Variants in ARHGAP15 observed in about 807,000 individuals in gnomAD.
The protein encoded by ARHGAP15 is Rho GTPase activating protein 15.
A neutral mutation model predicts 63.7 loss-of-function variants in ARHGAP15; 51 were observed. That is an observed-to-expected ratio of 0.80 (90% CI 0.64 to 1.01). The LOEUF is 1.01. ARHGAP15 is among the 50% of genes least tolerant of loss of function. The pLI is 0.00. For synonymous variants in ARHGAP15, 191 were observed against 193.8 expected, an observed-to-expected ratio of 0.99 and a Z score of 0.12; for missense variants, 560 against 564.6, an observed-to-expected ratio of 0.99 and a Z score of 0.08.
rs59677710 is a variant in ARHGAP15, at chr2:143,421,766, GTATATATATATATATA to G, written c.475-13815_475-13800del. On this transcript the variant is annotated intron_variant, in intron 6 of 13. Coordinates refer to ENST00000295095, the MANE Select transcript of ARHGAP15 (RefSeq NM_018460.4). The stretch of plus-strand genomic sequence containing the variant: ...ATATAAATGAACATATGCACATGGT[GTATATATATATATATA>G]TATATATATATATATATATGTGTGT... Among the ~76,000 whole-genome samples, 381 of 109,038 alleles carry G rather than the reference GTATATATATATATATA, an allele frequency of 3.5e-3. 5 individuals carry two copies. The highest frequency in any genetic ancestry group is 0.032 in the Middle Eastern group (7 of 222). 71.5% of individuals were successfully genotyped at this position (109,038 alleles called of 152,430 possible). A position where few individuals can be genotyped will look rare whatever the true frequency, so the allele number is the denominator to read the frequency against.
intron 10 of ARHGAP15, among the ~76,000 whole-genome samples, chr2:143,526,526 A>G (rs1375095472): frequency 2.0e-5 from 3 of 152,140 alleles, no homozygotes; most frequent in Non-Finnish European, 2.9e-5. Flanking sequence ...GCAACACCTC[A>G]ACTTACCAAG....
chr2:143,502,562 G>C (rs1163122346), intron 9 of ARHGAP15, among the ~76,000 whole-genome samples: 1 of 150,888 alleles, frequency 6.6e-6, no homozygotes, highest in African/African-American at 2.4e-5. Flanking sequence ...TTCTGTGTGT[G>C]GATCGTTTTG....
At chr2:143,273,102 AAATT>A (rs992421495) in intron 6 of ARHGAP15, among the ~76,000 whole-genome samples, 13 of 152,272 alleles carry the variant, frequency 8.5e-5, no homozygotes, top group African/African-American at 1.2e-4. Flanking sequence ...TAGTTTAAAT[AAATT>A]ATTTATACTT....
At chr2:143,591,706 G>T (rs1330103753) in intron 11 of ARHGAP15, among the ~76,000 whole-genome samples, 1 of 148,178 alleles carries the variant, frequency 6.7e-6, no homozygotes, top group Non-Finnish European at 1.5e-5. Flanking sequence ...CGCAACCTCC[G>T]CCTCTCAGGT....
intron 10 of ARHGAP15, among the ~76,000 whole-genome samples, chr2:143,535,594 C>A (rs7583825): frequency 6.6e-6 from 1 of 151,968 alleles, no homozygotes; most frequent in Non-Finnish European, 1.5e-5. Context: ...TATTAACTTA[C>A]GTTGGGAACC....
intron 6 of ARHGAP15, among the ~76,000 whole-genome samples, chr2:143,358,280 G>A (rs1025138472): frequency 6.6e-6 from 1 of 152,140 alleles, no homozygotes; most frequent in Non-Finnish European, 1.5e-5. Flanking sequence ...TCTGGACTTG[G>A]GTAGTGACTG....
intron 5 of ARHGAP15, chr2:143,247,332 C>CGCT (rs1449716080): frequency 6.6e-6 from 1 of 152,588 alleles, no homozygotes; most frequent in Non-Finnish European, 1.5e-5. Context: ...CTGTGGAGCC[C>CGCT]GCTGCTGCTG....
chr2:143,647,119 T>C (rs1158896442), intron 12 of ARHGAP15, among the ~76,000 whole-genome samples: 4 of 151,732 alleles, frequency 2.6e-5, no homozygotes, highest in Non-Finnish European at 5.9e-5. Context: ...AAGAAAATAA[T>C]GCATGAAATT....
chr2:143,354,120 A>G (rs1427823087), intron 6 of ARHGAP15, among the ~76,000 whole-genome samples: 1 of 152,032 alleles, frequency 6.6e-6, no homozygotes, highest in Non-Finnish European at 1.5e-5. Context: ...CCACATTCAT[A>G]GTTTAGAATG....
intron 9 of ARHGAP15, among the ~76,000 whole-genome samples, chr2:143,504,768 G>A (rs1056898508): frequency 2.0e-5 from 3 of 152,234 alleles, no homozygotes; most frequent in African/African-American, 7.2e-5. Context: ...GCCTGAAGAA[G>A]GCACCTTACC....
At chr2:143,526,395 C>G (rs1441342421) in intron 10 of ARHGAP15, among the ~76,000 whole-genome samples, 1 of 151,582 alleles carries the variant, frequency 6.6e-6, no homozygotes, top group East Asian at 1.9e-4. Context: ...CCAACCTCCA[C>G]CCCCAATGTA....
chr2:143,684,265 C>T (rs1683228740), intron 12 of ARHGAP15, among the ~76,000 whole-genome samples: 2 of 152,176 alleles, frequency 1.3e-5, no homozygotes, highest in South Asian at 4.1e-4. Flanking sequence ...TGATAACCAC[C>T]TTGTGCCACT....
chr2:143,193,342 A>G (rs1266631326), intron 2 of ARHGAP15: 3 of 152,650 alleles, frequency 2.0e-5, no homozygotes, highest in South Asian at 2.1e-4. Context: ...ATGTGCATCA[A>G]CGGTGGGTGT....
rs7591201 is a variant in ARHGAP15 at position 143,686,175 on chromosome 2, G to A, written c.1139-17244G>A. Among the ~76,000 whole-genome samples the A allele has an allele frequency of 3.0e-3, 449 of 151,990 alleles. 4 individuals carry two copies. Among genetic ancestry groups the A allele is most frequent in the African/African-American group, 1.0e-2 (413 of 41,436 alleles). On this transcript the variant is annotated intron_variant, in intron 12 of 13. Coordinates refer to ENST00000295095, the MANE Select transcript of ARHGAP15 (RefSeq NM_018460.4). ...TGTAATCCCAGCATTTTGGGAGGCC[G>A]AGGCAGGCAGATCACGAGGTCAGGA...
intron 5 of ARHGAP15, among the ~76,000 whole-genome samples, chr2:143,239,627 A>G (rs536303638): frequency 1.3e-5 from 2 of 152,200 alleles, no homozygotes; most frequent in African/African-American, 2.4e-5. Flanking sequence ...GGCAACATAA[A>G]AGGCCTCATT....
At chr2:143,606,062 A>AAAAAAAAAAAAAAAAAAAAAC (rs1559076886) in intron 11 of ARHGAP15, among the ~76,000 whole-genome samples, 1 of 73,176 alleles carries the variant, frequency 1.4e-5, no homozygotes. Flanking sequence ...AAAAAAAAAA[A>AAAAAAAAAAAAAAAAAAAAAC]AAAAAAAAGC....
intron 12 of ARHGAP15, among the ~76,000 whole-genome samples, chr2:143,699,993 T>A (rs1684014599): frequency 6.6e-6 from 1 of 152,158 alleles, no homozygotes; most frequent in African/African-American, 2.4e-5. Flanking sequence ...CAGTTCATGG[T>A]CACAACTTTC....
intron 6 of ARHGAP15, among the ~76,000 whole-genome samples, chr2:143,424,105 T>C (rs1264979925): frequency 6.6e-6 from 1 of 152,074 alleles, no homozygotes; most frequent in Non-Finnish European, 1.5e-5. Context: ...CAGCATAATT[T>C]TCAAATCACT....
chr2:143,188,039 G>T (rs1691515831), intron 2 of ARHGAP15, among the ~76,000 whole-genome samples: 1 of 151,998 alleles, frequency 6.6e-6, no homozygotes, highest in Non-Finnish European at 1.5e-5. Flanking sequence ...GCCTTCAACA[G>T]CTTTGTTTTT....
Sources: allele counts gnomAD v4.1 joint callset (sites outside exome capture counted in the v4.1 genomes callset), GRCh38; gene constraint gnomAD v4.1.1; transcripts MANE v1.5; gene names NCBI Gene and HGNC (gene_info 2026-07-23, HGNC 2026-07-21).